The following COL22A1 variants were observed in gnomAD, a reference collection of about 807,000 sequenced individuals.
The protein encoded by COL22A1 is collagen type XXII alpha 1 chain.
Under a neutral mutation model 248.9 loss-of-function variants are expected in COL22A1, and 221 were observed. The observed-to-expected ratio is 0.89, with a 90% confidence interval of 0.80 to 0.99. The LOEUF is 0.99. Ranked by LOEUF, COL22A1 falls within the 50% of genes least tolerant of loss-of-function variation. COL22A1 has a pLI of 0.00. For synonymous variants in COL22A1, 891 were observed against 793.4 expected, an observed-to-expected ratio of 1.12 and a Z score of -2.07; for missense variants, 2,240 against 2,179.0, an observed-to-expected ratio of 1.03 and a Z score of -0.56.
At chr8:138,610,132 G>C (rs963817539) in intron 56 of COL22A1, among the ~76,000 whole-genome samples, 1 of 152,172 alleles carries the variant, frequency 6.6e-6, no homozygotes, top group African/African-American at 2.4e-5. Flanking sequence ...GTGTGATCTT[G>C]GGCAAGTTAC....
intron 23 of COL22A1, among the ~76,000 whole-genome samples, chr8:138,735,490 A>G (rs1011479029): frequency 2.6e-5 from 4 of 152,196 alleles, no homozygotes; most frequent in African/African-American, 4.8e-5. Context: ...GAAAGAACGA[A>G]ATCTCTTTTC....
intron 1 of COL22A1, among the ~76,000 whole-genome samples, chr8:138,901,409 T>C (rs1814558706): frequency 7.3e-6 from 1 of 137,336 alleles, no homozygotes. Context: ...CTCTATCCCC[T>C]AGGCTGGAGT....
intron 45 of COL22A1, among the ~76,000 whole-genome samples, chr8:138,655,443 C>T (rs924858030): frequency 6.6e-6 from 1 of 152,210 alleles, no homozygotes; most frequent in African/African-American, 2.4e-5. Context: ...ACTGCAGCCT[C>T]TACCTCCCGG....
rs757598916 is a variant in COL22A1, at chr8:138,877,969, T to C, written c.439A>G (p.Ile147Val). 8 of 1,592,590 alleles carry C rather than the reference T, an allele frequency of 5.0e-6. No homozygotes were observed. Among genetic ancestry groups the C allele is most frequent in the Non-Finnish European group, 5.1e-6 (6 of 1,169,580 alleles). ...TGGCTGCGGCCGTCGGTGAGCAGGA[T>C]GGCCACCTGCTTGTAGGCGCGGTCC... is the stretch of plus-strand genomic sequence containing the variant. Reference protein sequence around the residue: ...PRDRAYKQVAILLTDGRSQDL... With the variant: ...PRDRAYKQVAVLLTDGRSQDL... The change falls in exon 3 of 65, where the codon ATC becomes GTC. Residue 147 changes from isoleucine to valine, a missense_variant. Coordinates refer to ENST00000303045, the MANE Select transcript of COL22A1 (RefSeq NM_152888.3).
chr8:138,716,793 A>C, intron 28 of COL22A1, 32 bp downstream of exon 28: 1 of 1,540,212 alleles, frequency 6.5e-7, no homozygotes, highest in Non-Finnish European at 9.0e-7. Context: ...TGAATGAATA[A>C]AATGAATGAA....
chr8:138,768,803 G>T (rs948320910), intron 16 of COL22A1, among the ~76,000 whole-genome samples: 3 of 152,096 alleles, frequency 2.0e-5, no homozygotes, highest in African/African-American at 7.2e-5. Flanking sequence ...TGGGCGTGCT[G>T]GTGGGTGCCT....
intron 22 of COL22A1, among the ~76,000 whole-genome samples, chr8:138,749,384 T>C (rs1487644452): frequency 6.6e-6 from 1 of 152,216 alleles, no homozygotes; most frequent in Non-Finnish European, 1.5e-5. Context: ...CATCTTTATA[T>C]AAACAGTTCC....
Position 138,816,224 on chromosome 8 carries a change from G to A in COL22A1, c.1246-3205C>T, listed in dbSNP as rs1818676459. On this transcript the variant is annotated intron_variant, in intron 7 of 64. Transcript: ENST00000303045. ...CAGAGCACACTGGATTGGGGATCTG[G>A]ACAGAGGCGTTCTCAGGTGGGGTGA... is the stretch of plus-strand genomic sequence containing the variant. Among the ~76,000 whole-genome samples the A allele has an allele frequency of 2.0e-5, 3 of 152,150 alleles. 1 individual carries two copies. In the South Asian group the frequency reaches 6.2e-4, roughly 32 times the overall value.
At chr8:138,854,343 C>A (rs570088127) in intron 3 of COL22A1, among the ~76,000 whole-genome samples, 5 of 152,178 alleles carry the variant, frequency 3.3e-5, no homozygotes, top group Admixed American at 1.3e-4. Context: ...AGAGCCTCTG[C>A]CCTCCTGAAG....
At chr8:138,760,204 C>A in intron 18 of COL22A1, 39 bp downstream of exon 18, 8 of 1,524,092 alleles carry the variant, frequency 5.2e-6, no homozygotes, top group Non-Finnish European at 7.1e-6. Flanking sequence ...ACCTGCCTGC[C>A]CAGGGCACAG....
chr8:138,679,657 C>T lies in COL22A1; in HGVS notation c.3032G>A (p.Arg1011Lys). The change falls in exon 40 of 65, where the codon AGA becomes AAA. Residue 1011 changes from arginine to lysine, a missense_variant. Physicochemically the swap from Arg to Lys is conservative, Grantham distance 26. Coordinates refer to ENST00000303045, the MANE Select transcript of COL22A1 (RefSeq NM_152888.3). ...LGTKAACGKV[R>K]GSENCALGGQ... ...TCCCAGTGCACAGTTTTCTGACCCT[C>T]TGACTTTTCCGCAAGCAGCCTGAAA... The T allele has an allele frequency of 1.2e-6, 2 of 1,614,156 alleles. No homozygotes were observed. Among genetic ancestry groups the T allele is most frequent in the South Asian group, 2.2e-5 (2 of 91,086 alleles).
At chr8:138,683,097 G>A (rs996479268) in intron 39 of COL22A1, among the ~76,000 whole-genome samples, 1 of 152,164 alleles carries the variant, frequency 6.6e-6, no homozygotes, top group Non-Finnish European at 1.5e-5. Flanking sequence ...GCCCACATGT[G>A]CCCTGAGCTA....
At chr8:138,604,221 C>A (rs1046779025) in intron 59 of COL22A1, among the ~76,000 whole-genome samples, 2 of 152,216 alleles carry the variant, frequency 1.3e-5, no homozygotes, top group African/African-American at 2.4e-5. Context: ...CTGGATTCCA[C>A]GGAGAGTGCA....
intron 36 of COL22A1, among the ~76,000 whole-genome samples, chr8:138,690,451 G>A (rs1451813063): frequency 6.6e-6 from 1 of 152,160 alleles, no homozygotes; most frequent in Non-Finnish European, 1.5e-5. Context: ...AGATGGTCAT[G>A]TCAATTAATA....
At chr8:138,860,511 T>TG (rs1822371687) in intron 3 of COL22A1, among the ~76,000 whole-genome samples, 1 of 152,204 alleles carries the variant, frequency 6.6e-6, no homozygotes, top group African/African-American at 2.4e-5. Context: ...AACAATACAA[T>TG]GAGTTCAAGA....
intron 4 of COL22A1, 146 bp downstream of exon 4, chr8:138,843,938 G>T: frequency 2.6e-6 from 2 of 755,726 alleles, no homozygotes; most frequent in Non-Finnish European, 4.8e-6. Context: ...CCACCTGCAC[G>T]ATTCAAACCA....
intron 50 of COL22A1, among the ~76,000 whole-genome samples, chr8:138,630,102 T>A (rs1647687658): frequency 6.6e-6 from 1 of 152,198 alleles, no homozygotes; most frequent in African/African-American, 2.4e-5. Flanking sequence ...CCTACTAAAC[T>A]GTGGTTCACC....
chr8:138,880,634 G>A (rs1295343634), intron 2 of COL22A1, among the ~76,000 whole-genome samples: 5 of 152,178 alleles, frequency 3.3e-5, no homozygotes, highest in Admixed American at 6.5e-5. Context: ...CTGCATGTCA[G>A]GCACTGAGTT....
chr8:138,693,794 A>G (rs1827272800), intron 34 of COL22A1, 95 bp from the exon 35 acceptor site: 4 of 1,332,900 alleles, frequency 3.0e-6, no homozygotes, highest in Non-Finnish European at 4.2e-6. Context: ...CGTGCTCATC[A>G]GAAGCATTAT....
Sources: allele counts gnomAD v4.1 joint callset (sites outside exome capture counted in the v4.1 genomes callset), GRCh38; gene constraint gnomAD v4.1.1; transcripts MANE v1.5; gene names NCBI Gene and HGNC (gene_info 2026-07-23, HGNC 2026-07-21).